UNC80: variants seen among roughly 807,000 people sequenced by gnomAD.
The protein encoded by UNC80 is unc-80 subunit of NALCN channel complex, also known as protein unc-80 homolog.
A neutral mutation model predicts 384.6 loss-of-function variants in UNC80; 164 were observed. The observed-to-expected ratio is 0.43, with a 90% CI of 0.38 to 0.49. The LOEUF (loss-of-function observed/expected upper bound fraction) is 0.49, where lower values mean the gene tolerates loss of function less well. UNC80 is among the 20% of genes least tolerant of loss of function. The probability of loss-of-function intolerance (pLI) is 0.00; values close to 1 mark genes in which losing one functional copy is unlikely to be tolerated. For synonymous variants in UNC80, 1,486 were observed against 1,527.8 expected (o/e 0.97, Z 0.64); for missense variants, 3,330 against 4,143.0 (o/e 0.80, Z 5.39).
At chr2:209,916,333 C>T (rs6750343) in intron 31 of UNC80, among the ~76,000 whole-genome samples, 3,215 of 152,198 alleles carry the variant, frequency 0.021, 120 homozygotes, top group African/African-American at 0.072. Flanking sequence ...TAATCTCAAG[C>T]TGTGGAAGCA....
chr2:209,941,514 C>G lies in UNC80; in HGVS notation c.6915+25C>G, dbSNP rs529523460. The G allele has an allele frequency of 8.3e-5, 125 of 1,514,488 alleles. 3 individuals carry two copies. The South Asian group carries it at 1.5e-3, about 18-fold the overall frequency. 93.8% of individuals were successfully genotyped at this position (1,514,488 alleles called of 1,614,324 possible). ...GGTGCCCAGAACCTCCTCTCCCAAC[C>G]AGAAAATTAACATGAGTACTGCTCA... On this transcript the variant is annotated intron_variant, in intron 44 of 64. Coordinates refer to ENST00000673920, the MANE Select transcript of UNC80 (RefSeq NM_001371986.1).
chr2:209,818,485 A>G (rs949464344), intron 11 of UNC80, among the ~76,000 whole-genome samples: 3 of 152,156 alleles, frequency 2.0e-5, no homozygotes, highest in Non-Finnish European at 2.9e-5. Context: ...GTTCTCATAG[A>G]AGCATAAATT....
intron 28 of UNC80, among the ~76,000 whole-genome samples, chr2:209,902,816 A>G (rs2087568430): frequency 6.6e-6 from 1 of 152,088 alleles, no homozygotes; most frequent in Non-Finnish European, 1.5e-5. Context: ...AAATAGAAAG[A>G]TTGTGTGACT....
intron 22 of UNC80, among the ~76,000 whole-genome samples, chr2:209,858,962 A>G (rs1253806495): frequency 6.6e-6 from 1 of 152,136 alleles, no homozygotes; most frequent in Non-Finnish European, 1.5e-5. Context: ...ACATTTTAAA[A>G]GTTATTTTCC....
At position 209,954,807 on chromosome 2, in the gene UNC80, A is replaced by G. The variant is rs1364881298; in HGVS notation, c.7457+537A>G. Among the ~76,000 whole-genome samples the G allele has an allele frequency of 5.9e-5, 9 of 152,336 alleles. No homozygotes were observed. In the South Asian group the frequency reaches 1.9e-3, roughly 32 times the overall value. ...TGAATTAATAGATTCTCTGTGGGACAGGATTAAATAATGCGGAGAGAGGAT... is the reference window on the plus strand; with the variant it reads ...TGAATTAATAGATTCTCTGTGGGACGGGATTAAATAATGCGGAGAGAGGAT... On this transcript the variant is annotated intron_variant, in intron 48 of 64. Coordinates refer to ENST00000673920, the MANE Select transcript of UNC80 (RefSeq NM_001371986.1).
At chr2:209,846,175 G>A (rs1349950641) in intron 21 of UNC80, among the ~76,000 whole-genome samples, 1 of 152,028 alleles carries the variant, frequency 6.6e-6, no homozygotes, top group African/African-American at 2.4e-5. Context: ...CTTACCCTCA[G>A]TTTAAATGCA....
intron 28 of UNC80, among the ~76,000 whole-genome samples, chr2:209,900,354 CT>C (rs1260362303): frequency 1.3e-5 from 2 of 152,152 alleles, no homozygotes; most frequent in African/African-American, 4.8e-5. Context: ...ATATTTCAGG[CT>C]TTTTCATGAT....
rs1575012624 is a variant in UNC80, at chr2:209,918,682, C to T, written c.5343+19C>T. The T allele has an allele frequency of 6.5e-7, 1 of 1,536,556 alleles. No homozygotes were observed. On this transcript the variant is annotated intron_variant, in intron 33 of 64. Coordinates refer to ENST00000673920, the MANE Select transcript of UNC80 (RefSeq NM_001371986.1). ...CCAGTCTGTGAGTAACAGACACTTC[C>T]AGGTTCCATGGTGTACGTGTAAAAG...
chr2:209,868,569 A>G (rs1001667363), intron 22 of UNC80, among the ~76,000 whole-genome samples: 1 of 152,204 alleles, frequency 6.6e-6, no homozygotes, highest in Non-Finnish European at 1.5e-5. Flanking sequence ...TCACTTTCAT[A>G]AAGGAAGTAT....
intron 29 of UNC80, among the ~76,000 whole-genome samples, chr2:209,905,438 T>A (rs2088070429): frequency 6.6e-6 from 1 of 151,942 alleles, no homozygotes; most frequent in African/African-American, 2.4e-5. Flanking sequence ...GGAAATGTCT[T>A]GAGAAAAGCA....
rs2092526513 is a variant in UNC80, at chr2:209,959,615, G to A, written c.7713G>A (p.Lys2571=). Residue 2571 remains lysine, a synonymous_variant, in exon 51 of 65, where the codon AAG becomes AAA. Transcript: ENST00000673920. ...SLLNICTEFY[K]HCGPRLKILQ... ...TGAATATTTGCACTGAGTTCTATAA[G>A]CACTGTGGGCCACGGCTGAAGATCT... 2 of 1,551,624 alleles carry A rather than the reference G, an allele frequency of 1.3e-6. No individual in the cohort carries two copies. The highest frequency in any genetic ancestry group is 8.7e-7 in the Non-Finnish European group (1 of 1,147,002).
intron 22 of UNC80, among the ~76,000 whole-genome samples, chr2:209,862,038 A>C (rs186118384): frequency 1.5e-4 from 22 of 151,532 alleles, no homozygotes; most frequent in Non-Finnish European, 2.2e-4. Context: ...ATCTCCTTCA[A>C]TTCTTCTCTG....
At chr2:209,843,814 A>G (rs750829099) in intron 21 of UNC80, among the ~76,000 whole-genome samples, 6 of 152,210 alleles carry the variant, frequency 3.9e-5, no homozygotes, top group Non-Finnish European at 7.3e-5. Context: ...TGAACCATAC[A>G]GTTAATTTTC....
chr2:209,967,658 G>C (rs1167995660), intron 52 of UNC80, 21 bp downstream of exon 52: 2 of 1,547,356 alleles, frequency 1.3e-6, no homozygotes, highest in Non-Finnish European at 1.7e-6. Context: ...CTCCGAGTTA[G>C]CTGTTGCTAT....
In UNC80 at chr2:209,888,187, T is replaced by C. The variant is rs372576235; in HGVS notation, c.4203T>C (p.Asn1401=). ...GCTTTGCTGGGGTCCTGGACGAAAATGAAGACTCAAAAGATTCTCTCCACA... is the reference window on the plus strand; with the variant it reads ...GCTTTGCTGGGGTCCTGGACGAAAACGAAGACTCAAAAGATTCTCTCCACA... ...KISFAGVLDE[N]EDSKDSLHSS... Residue 1401 remains asparagine (N), a synonymous_variant, in exon 26 of 65, where the codon AAT becomes AAC. Coordinates refer to ENST00000673920, the MANE Select transcript of UNC80 (RefSeq NM_001371986.1). 127 of 1,551,572 alleles carry C rather than the reference T, an allele frequency of 8.2e-5. No homozygotes were observed. In the African/African-American group the frequency reaches 1.6e-3, roughly 20 times the overall value.
chr2:209,839,531 A>C lies in UNC80; in HGVS notation c.3250+101A>C. The C allele has an allele frequency of 8.1e-7, 1 of 1,231,464 alleles. No homozygotes were observed. The highest frequency in any genetic ancestry group is 1.1e-6 in the Non-Finnish European group (1 of 873,208). 76.3% of individuals were successfully genotyped at this position (1,231,464 alleles called of 1,614,324 possible). A position where few individuals can be genotyped will look rare whatever the true frequency, so the allele number is the denominator to read the frequency against. On this transcript the variant is annotated intron_variant, in intron 19 of 64. Transcript: ENST00000673920. The surrounding 1 kb of genome is among the most constrained non-coding windows in gnomAD (Gnocchi z 4.1). Reference sequence around the variant, plus strand: ...GTAGGGCCGAAAAAGAAGACCTTCAAGTCATAAGACCTAGACTGACTTCAT... The same window carrying C: ...GTAGGGCCGAAAAAGAAGACCTTCACGTCATAAGACCTAGACTGACTTCAT...
intron 39 of UNC80, among the ~76,000 whole-genome samples, chr2:209,935,086 C>G (rs975157452): frequency 1.3e-5 from 2 of 152,172 alleles, no homozygotes; most frequent in African/African-American, 4.8e-5. Context: ...TTTGGTTTTG[C>G]TAATATCCCT....
At position 209,816,982 on chromosome 2, in the gene UNC80, G is replaced by C. The variant is rs773040211; in HGVS notation, c.1409G>C (p.Arg470Pro). The C allele has an allele frequency of 1.3e-6, 2 of 1,551,650 alleles. No individual in the cohort carries two copies. The highest frequency in any genetic ancestry group is 1.7e-6 in the Non-Finnish European group (2 of 1,146,994). ...PFHHTGKRRP[R>P]RMGVPFLLHE... The stretch of plus-strand genomic sequence containing the variant: ...CACCACACAGGCAAGAGGAGGCCAC[G>C]GAGAATGGGAGTGCCCTTCCTGCTT... Residue 470 changes from arginine (R) to proline (P), a missense_variant, in exon 10 of 65, where the codon CGG becomes CCG. Coordinates refer to ENST00000673920, the MANE Select transcript of UNC80 (RefSeq NM_001371986.1).
In UNC80 at chr2:209,839,861, G is replaced by A. The variant is rs1341831272; in HGVS notation, c.3250+431G>A. ...CAGAAATCAGGGAAGGCTTCCTAGT[G>A]GTAGTGGCATTAAGATCTCCGGGAT... On this transcript the variant is annotated intron_variant, in intron 19 of 64. Transcript: ENST00000673920. The surrounding 1 kb of genome is among the most constrained non-coding windows in gnomAD (Gnocchi z 4.1). 2.0e-5 allele frequency among the ~76,000 whole-genome samples: 3 copies of A among 152,184 alleles called. No individual in the cohort carries two copies. Among genetic ancestry groups the A allele is most frequent in the African/African-American group, 7.2e-5 (3 of 41,438 alleles).
Sources: allele counts gnomAD v4.1 joint callset (sites outside exome capture counted in the v4.1 genomes callset), GRCh38; gene constraint gnomAD v4.1.1; non-coding constraint Gnocchi (gnomAD v3.1); transcripts MANE v1.5; gene names NCBI Gene and HGNC (gene_info 2026-07-23, HGNC 2026-07-21).